Variants in THBS3 observed in about 807,000 individuals in gnomAD.
THBS3 encodes thrombospondin-3.
Under a neutral mutation model 118.3 loss-of-function variants are expected in THBS3, and 78 were observed. The ratio of observed to expected loss-of-function variants is 0.66; its 90% CI spans 0.55 to 0.80. The LOEUF (loss-of-function observed/expected upper bound fraction) is 0.80. THBS3 is among the 30% of genes least tolerant of loss of function. THBS3 has a pLI of 0.00. For missense variants in THBS3, 1,057 were observed against 1,247.4 expected (o/e 0.85, Z 2.30); for synonymous variants, 427 against 475.3 (o/e 0.90, Z 1.32).
rs1282313682 is a variant in THBS3 at position 155,195,917 on chromosome 1, A to C, written c.2813-18T>G. ...CACTGTGTCTGAAGAAGGGGAAATAAGTAAGGTCAGAGGATGTGGCTCTCC... is the reference window on the plus strand; with the variant it reads ...CACTGTGTCTGAAGAAGGGGAAATACGTAAGGTCAGAGGATGTGGCTCTCC... On this transcript the variant is annotated intron_variant, in intron 22 of 22. Coordinates refer to ENST00000368378, the MANE Select transcript of THBS3 (RefSeq NM_007112.5). 1.9e-6 allele frequency: 3 copies of C among 1,614,200 alleles called. No individual in the cohort carries two copies. Among genetic ancestry groups the C allele is most frequent in the East Asian group, 4.5e-5 (2 of 44,886 alleles).
In THBS3 at chr1:155,198,489, T is replaced by G; in HGVS notation, c.1994A>C (p.Asn665Thr). The G allele has an allele frequency of 2.0e-5, 32 of 1,614,198 alleles. No individual in the cohort carries two copies. The highest frequency in any genetic ancestry group is 2.7e-5 in the Non-Finnish European group (32 of 1,180,030). ...AGGCACATAATCTGGGATGCCATCA[T>G]TGTCATCATCCCCATCACACTCATC... ...LGDECDGDDD[N>T]DGIPDYVPPG... Residue 665 changes from asparagine to threonine, a missense_variant, in exon 17 of 23, where the codon AAT (asparagine) becomes ACT (threonine). Around this residue, in one of 3 missense-constraint regions of THBS3, gnomAD observed 544 missense variants for 715.6 expected, o/e 0.76. Transcript: ENST00000368378.
In THBS3 at chr1:155,198,163, G is replaced by C. The variant is rs1161759136; in HGVS notation, c.2132C>G (p.Pro711Arg). The stretch of plus-strand genomic sequence containing the variant: ...TGCACTTTCAGGACACACATCCAGG[G>C]GGTCGACCACAGCATCATTGTCAAA... ...DDFDNDAVVD[P>R]LDVCPESAEV... Residue 711 changes from proline to arginine, a missense_variant, in exon 18 of 23, where the codon CCC (proline) becomes CGC (arginine). Coordinates refer to ENST00000368378, the MANE Select transcript of THBS3 (RefSeq NM_007112.5). 1 of 1,614,126 alleles carries C rather than the reference G, an allele frequency of 6.2e-7. No individual in the cohort carries two copies. Among genetic ancestry groups the C allele is most frequent in the South Asian group, 1.1e-5 (1 of 91,084 alleles).
intron 16 of THBS3, among the ~76,000 whole-genome samples, chr1:155,199,393 G>C (rs1208957358): frequency 7.1e-6 from 1 of 141,808 alleles, no homozygotes; most frequent in Non-Finnish European, 1.5e-5. Flanking sequence ...CTGGGCGACA[G>C]AGCAAGACTC....
In THBS3 at chr1:155,206,277, C is replaced by T; in HGVS notation, c.209G>A (p.Gly70Asp). 1.2e-6 allele frequency: 2 copies of T among 1,614,146 alleles called. No individual in the cohort carries two copies. The highest frequency in any genetic ancestry group is 1.6e-4 in the Middle Eastern group (1 of 6,062). ...STFRLPPKQG[G>D]VLFGLYSRQD... Reference sequence around the variant, plus strand: ...GCGAGAATAGAGGCCAAAGAGGACACCACCCTGCTTGGGGGGCAGGCGGAA... The same window carrying T: ...GCGAGAATAGAGGCCAAAGAGGACATCACCCTGCTTGGGGGGCAGGCGGAA... The change falls in exon 2 of 23, where the codon GGT becomes GAT. Residue 70 changes from glycine to aspartate, a missense_variant. Physicochemically the swap from Gly to Asp is moderately conservative, Grantham distance 94 (BLOSUM62 -1). Around this residue, in one of 3 missense-constraint regions of THBS3, gnomAD observed 206 missense variants for 205.7 expected, o/e 1.00. Transcript: ENST00000368378. The surrounding 1 kb of genome is among the most constrained non-coding windows in gnomAD (Gnocchi z 4.2).
In THBS3 at chr1:155,200,614, G is replaced by A; in HGVS notation, c.1549-4C>T. ...TGGGGAACAGCCGGCAGTTGTCCTG[G>A]GCAGAGGGGTGGGAGGGGAAGGGTC... On this transcript the variant is annotated splice_region_variant and splice_polypyrimidine_tract_variant and intron_variant, in intron 13 of 22. Coordinates refer to ENST00000368378, the MANE Select transcript of THBS3 (RefSeq NM_007112.5). 6.2e-7 allele frequency: 1 copy of A among 1,613,916 alleles called. No homozygotes were observed. Among genetic ancestry groups the A allele is most frequent in the Non-Finnish European group, 8.5e-7 (1 of 1,179,868 alleles).
Position 155,197,518 on chromosome 1 carries a change from G to C in THBS3, c.2444C>G (p.Thr815Ser), listed in dbSNP as rs767876405. Reference protein sequence around the residue: ...YVVMWKQTEQTYWQATPFRAV... With the variant: ...YVVMWKQTEQSYWQATPFRAV... ...CCGGAAGGGTGTAGCCTGCCAGTAG[G>C]TCTGCTCGGTCTGCTTCCACATGAC... Residue 815 changes from threonine (T) to serine (S), a missense_variant, in exon 20 of 23, where the codon ACC becomes AGC. Thr to Ser is a moderately conservative substitution (Grantham distance 58). Transcript: ENST00000368378. This position sits in a 1 kb window ranked among gnomAD's most constrained non-coding sequence, Gnocchi z 5.0. The C allele has an allele frequency of 1.2e-6, 2 of 1,614,110 alleles. No homozygotes were observed. Among genetic ancestry groups the C allele is most frequent in the Non-Finnish European group, 1.7e-6 (2 of 1,180,028 alleles).
In THBS3 at chr1:155,202,211, G is replaced by A; in HGVS notation, c.1098+50C>T. 6.2e-7 allele frequency: 1 copy of A among 1,601,088 alleles called. No individual in the cohort carries two copies. Among genetic ancestry groups the A allele is most frequent in the South Asian group, 1.1e-5 (1 of 89,670 alleles). ...TCCCATGTCCAACCCAGAAGCCCCT[G>A]GCCTCTACAAGGCCAAGATCCCTTG... On this transcript the variant is annotated intron_variant, in intron 9 of 22. Transcript: ENST00000368378. This position sits in a 1 kb window ranked among gnomAD's most constrained non-coding sequence, Gnocchi z 5.5.
rs1668608582 is a variant in THBS3 at position 155,196,037 on chromosome 1, C to T, written c.2762G>A (p.Cys921Tyr). 1 of 1,614,070 alleles carries T rather than the reference C, an allele frequency of 6.2e-7. No homozygotes were observed. Among genetic ancestry groups the T allele is most frequent in the African/African-American group, 1.3e-5 (1 of 74,932 alleles). Reference protein sequence around the residue: ...SMRGGRLGVFCFSQENIIWSN... With the variant: ...SMRGGRLGVFYFSQENIIWSN... ...CCAAATTATGTTTTCTTGGGAGAAG[C>T]AGAATACACCAAGACGCCCCCCTCG... The change falls in exon 22 of 23, where the codon TGC becomes TAC. Residue 921 changes from cysteine to tyrosine, a missense_variant. Coordinates refer to ENST00000368378, the MANE Select transcript of THBS3 (RefSeq NM_007112.5).
At chr1:155,207,114 G>C (rs1299055405) in intron 1 of THBS3, among the ~76,000 whole-genome samples, 1 of 152,166 alleles carries the variant, frequency 6.6e-6, no homozygotes. Context: ...CCACTCCTGG[G>C]TTTGGCTCGT....
rs369355846 is a variant in THBS3 at position 155,203,069 on chromosome 1, C to G, written c.808+17G>C. 6.2e-7 allele frequency: 1 copy of G among 1,614,036 alleles called. No homozygotes were observed. The highest frequency in any genetic ancestry group is 8.5e-7 in the Non-Finnish European group (1 of 1,180,030). Reference sequence around the variant, plus strand: ...CGTGGCACGGTCATGTGGAGCCTCCCCTGCTCTCCCACTCACCGCACACCT... The same window carrying G: ...CGTGGCACGGTCATGTGGAGCCTCCGCTGCTCTCCCACTCACCGCACACCT... On this transcript the variant is annotated intron_variant, in intron 7 of 22. Coordinates refer to ENST00000368378, the MANE Select transcript of THBS3 (RefSeq NM_007112.5).
upstream of THBS3, chr1:155,209,149 C>CA (rs1228650137): frequency 1.3e-6 from 2 of 1,521,256 alleles, no homozygotes; most frequent in Non-Finnish European, 1.8e-6. Context: ...TCTCCCCAGG[C>CA]CCCCTGACCG....
rs1255320133 is a variant in THBS3 at position 155,198,350 on chromosome 1, C to T, written c.2074+59G>A. 9 of 1,590,036 alleles carry T rather than the reference C, an allele frequency of 5.7e-6. No individual in the cohort carries two copies. The East Asian group carries it at 2.0e-4, about 36-fold the overall frequency. ...CTTCCTCACTTCCCAACAGGGCTTG[C>T]TGCCTCCACCTGGGCAAAGGCAACA... On this transcript the variant is annotated intron_variant, in intron 17 of 22. Coordinates refer to ENST00000368378, the MANE Select transcript of THBS3 (RefSeq NM_007112.5).
At chr1:155,200,643 T>A (rs1323231090) in intron 13 of THBS3, 33 bp from the exon 14 acceptor site, 2 of 1,609,186 alleles carry the variant, frequency 1.2e-6, no homozygotes, top group Non-Finnish European at 1.7e-6. Context: ...AAGGGTCAGG[T>A]CTCCCCTAAA....
Position 155,203,079 on chromosome 1 carries a change from C to T in THBS3, c.808+7G>A, listed in dbSNP as rs1307584089. On this transcript the variant is annotated splice_region_variant and intron_variant, in intron 7 of 22. Transcript: ENST00000368378. The stretch of plus-strand genomic sequence containing the variant: ...TCATGTGGAGCCTCCCCTGCTCTCC[C>T]ACTCACCGCACACCTGACACTCCAT... 3 of 1,614,172 alleles carry T rather than the reference C, an allele frequency of 1.9e-6. No individual in the cohort carries two copies. The highest frequency in any genetic ancestry group is 2.5e-6 in the Non-Finnish European group (3 of 1,180,032).
chr1:155,195,871 G>T lies in THBS3; in HGVS notation c.2841C>A (p.Phe947Leu). Reference sequence around the variant, plus strand: ...CCCTTCCCTGGAGCAGCTGCCTCCGGAATGGCTCAAAGTCCTCAGGCACTG... The same window carrying T: ...CCCTTCCCTGGAGCAGCTGCCTCCGTAATGGCTCAAAGTCCTCAGGCACTG... ...NDTVPEDFEP[F>L]RRQLLQGRV Residue 947 changes from phenylalanine to leucine, a missense_variant, in exon 23 of 23, where the codon TTC becomes TTA. By Grantham distance (22) the Phe-to-Leu change is conservative (BLOSUM62 0). Around this residue, in one of 3 missense-constraint regions of THBS3, gnomAD observed 307 missense variants for 326.1 expected, o/e 0.94. Transcript: ENST00000368378. 6.2e-7 allele frequency: 1 copy of T among 1,614,078 alleles called. No individual in the cohort carries two copies. The highest frequency in any genetic ancestry group is 1.1e-5 in the South Asian group (1 of 91,066).
intron 21 of THBS3, chr1:155,196,358 C>A (rs1668672161): frequency 5.3e-6 from 3 of 565,010 alleles, no homozygotes; most frequent in African/African-American, 3.8e-5. Context: ...GCACCAGCCG[C>A]ATTCCAAGCG....
chr1:155,203,656 A>T, intron 4 of THBS3, 117 bp from the exon 5 acceptor site: 1 of 1,316,638 alleles, frequency 7.6e-7, no homozygotes, highest in Non-Finnish European at 1.1e-6. Flanking sequence ...CAGAATAAAG[A>T]TGGGGTGCTG....
chr1:155,200,539 G>C lies in THBS3; in HGVS notation c.1620C>G (p.Asp540Glu), dbSNP rs1323093634. 3.1e-6 allele frequency: 5 copies of C among 1,614,004 alleles called. No individual in the cohort carries two copies. Among genetic ancestry groups the C allele is most frequent in the Non-Finnish European group, 4.2e-6 (5 of 1,180,034 alleles). Reference protein sequence around the residue: ...SDTDSFGDACDNCPNVPNNDQ... With the variant: ...SDTDSFGDACENCPNVPNNDQ... ...CATTGTTGGGAACGTTGGGGCAATT[G>C]TCACAGGCATCACCAAATGAATCTG... Residue 540 changes from aspartate to glutamate, a missense_variant, in exon 14 of 23, where the codon GAC (aspartate) becomes GAG (glutamate). By Grantham distance (45) the Asp-to-Glu change is conservative. This residue lies in a region of THBS3 where 544 missense variants were observed against 715.6 expected (regional missense o/e 0.76). Transcript: ENST00000368378.
rs750482359 is a variant in THBS3 at position 155,197,260 on chromosome 1, G to A, written c.2500-47C>T. On this transcript the variant is annotated intron_variant, in intron 20 of 22. Transcript: ENST00000368378. This position sits in a 1 kb window ranked among gnomAD's most constrained non-coding sequence, Gnocchi z 5.0. ...AGTGGGTCAACTGCAGAACTGGAGT[G>A]AGGGGAGACAACAGGTCGGTAAGTG... 1 of 1,599,088 alleles carries A rather than the reference G, an allele frequency of 6.3e-7. No individual in the cohort carries two copies. Among genetic ancestry groups the A allele is most frequent in the Admixed American group, 1.7e-5 (1 of 59,758 alleles).
Sources: allele counts gnomAD v4.1 joint callset (sites outside exome capture counted in the v4.1 genomes callset), GRCh38; gene constraint gnomAD v4.1.1; regional missense constraint gnomAD v4.1.1; non-coding constraint Gnocchi (gnomAD v3.1); transcripts MANE v1.5; gene names NCBI Gene and HGNC (gene_info 2026-07-23, HGNC 2026-07-21).